The following DDB2 variants were observed in gnomAD, a reference collection of about 807,000 sequenced individuals.
The protein encoded by DDB2 is damage specific DNA binding protein 2.
Under a neutral mutation model 50.5 loss-of-function variants are expected in DDB2, and 27 were observed. That is an observed-to-expected ratio of 0.53 (90% CI 0.39 to 0.74). The LOEUF (loss-of-function observed/expected upper bound fraction) is 0.74. Among genes scored for constraint, DDB2 ranks in the 30% least tolerant of loss-of-function variants. The pLI is 0.00. For missense variants in DDB2, 424 were observed against 545.6 expected (o/e 0.78, Z 2.22); for synonymous variants, 176 against 205.5 (o/e 0.86, Z 1.23).
chr11:47,236,970 C>T (rs952625667), intron 7 of DDB2, among the ~76,000 whole-genome samples: 3 of 152,188 alleles, frequency 2.0e-5, no homozygotes, highest in Non-Finnish European at 4.4e-5. Flanking sequence ...TTCAAAACTT[C>T]CTTGAGAAGT....
chr11:47,218,287 AG>A (rs1350555286), intron 3 of DDB2, among the ~76,000 whole-genome samples: 1 of 152,216 alleles, frequency 6.6e-6, no homozygotes, highest in East Asian at 1.9e-4. Context: ...TCCTATTCCC[AG>A]TGCCTGGAAC....
At chr11:47,229,944 C>T in intron 3 of DDB2, 1 of 332,398 alleles carries the variant, frequency 3.0e-6, no homozygotes, top group South Asian at 2.5e-5. Context: ...CACCATCCCA[C>T]CTCAGCCTCT....
chr11:47,228,956 C>CAAAAAAA (rs58216148), intron 3 of DDB2, among the ~76,000 whole-genome samples: 1 of 94,250 alleles, frequency 1.1e-5, no homozygotes, highest in African/African-American at 4.5e-5. Context: ...GACTCCATCT[C>CAAAAAAA]AAAAAAAAAA....
At chr11:47,217,226 A>C in intron 3 of DDB2, 177 bp downstream of exon 3, 2 of 536,932 alleles carry the variant, frequency 3.7e-6, no homozygotes, top group Non-Finnish European at 6.9e-6. Flanking sequence ...AAATACAAAA[A>C]TTAGCTGGGT....
At chr11:47,220,222 G>C (rs1953463775) in intron 3 of DDB2, 1 of 152,294 alleles carries the variant, frequency 6.6e-6, no homozygotes, top group African/African-American at 2.4e-5. Context: ...CCCCCAGAAA[G>C]GCAGTCAGAG....
rs758139129 is a variant in DDB2, at chr11:47,216,320, C to T, written c.128-16C>T. On this transcript the variant is annotated splice_polypyrimidine_tract_variant and intron_variant, in intron 1 of 9. Coordinates refer to ENST00000256996, the MANE Select transcript of DDB2 (RefSeq NM_000107.3). ...CGTGAGATTGGAGAGGAAAATATGTCTGTTCTGCTTGGCAGGTCCTAGCAG... is the reference window on the plus strand; with the variant it reads ...CGTGAGATTGGAGAGGAAAATATGTTTGTTCTGCTTGGCAGGTCCTAGCAG... 47 of 1,613,956 alleles carry T rather than the reference C, an allele frequency of 2.9e-5. No individual in the cohort carries two copies. The Middle Eastern group carries it at 4.9e-4, about 17-fold the overall frequency.
rs1347183916 is a variant in DDB2 at position 47,238,183 on chromosome 11, G to A, written c.1234G>A (p.Gly412Ser). ...GGGGGACACGCTGGCCTCTGCAATG[G>A]GTGAGTAGGAGGAGAATGTCTCTGA... The part of the protein sequence containing the change: ...PMGDTLASAM[G>S]YHILIWSQEE... The change falls in exon 9 of 10, where the codon GGT becomes AGT. Residue 412 changes from glycine (G) to serine (S), a missense_variant and splice_region_variant. Gly to Ser is a moderately conservative substitution (Grantham distance 56). Transcript: ENST00000256996. 1.2e-6 allele frequency: 2 copies of A among 1,609,614 alleles called. No individual in the cohort carries two copies. The highest frequency in any genetic ancestry group is 1.1e-5 in the South Asian group (1 of 90,072).
intron 4 of DDB2, 51 bp downstream of exon 4, chr11:47,233,010 C>G: frequency 3.1e-6 from 5 of 1,595,812 alleles, no homozygotes; most frequent in Admixed American, 3.3e-5. Flanking sequence ...AGGTGTAGTT[C>G]CGGCAAGAGC....
intron 3 of DDB2, among the ~76,000 whole-genome samples, chr11:47,228,977 A>ATATCTATCTATCTAGC (rs1953602867): frequency 8.0e-6 from 1 of 124,660 alleles, no homozygotes; most frequent in Non-Finnish European, 1.6e-5. Flanking sequence ...AAAAAAAGAA[A>ATATCTATCTATCTAGC]TATCTATCTA....
intron 3 of DDB2, among the ~76,000 whole-genome samples, chr11:47,224,107 A>C (rs1953525083): frequency 6.6e-6 from 1 of 152,096 alleles, no homozygotes; most frequent in Non-Finnish European, 1.5e-5. Flanking sequence ...AACAAAACAA[A>C]ACATCCTGAT....
rs1953766843 is a variant in DDB2, at chr11:47,238,151, A to G, written c.1202A>G (p.Asn401Ser). 1.9e-6 allele frequency: 3 copies of G among 1,612,530 alleles called. No homozygotes were observed. The highest frequency in any genetic ancestry group is 1.6e-4 in the Middle Eastern group (1 of 6,082). The change falls in exon 9 of 10, where the codon AAT becomes AGT. Residue 401 changes from asparagine (N) to serine (S), a missense_variant. By Grantham distance (46) the Asn-to-Ser change is conservative (BLOSUM62 1). Coordinates refer to ENST00000256996, the MANE Select transcript of DDB2 (RefSeq NM_000107.3). The stretch of plus-strand genomic sequence containing the variant: ...TTGTCTCTGCAGCTTAATGAATTCA[A>G]TCCCATGGGGGACACGCTGGCCTCT... ...SSGISSLNEF[N>S]PMGDTLASAM... is the part of the protein sequence containing the mutation.
At chr11:47,219,910 C>T (rs1459089452) in intron 3 of DDB2, among the ~76,000 whole-genome samples, 1 of 152,184 alleles carries the variant, frequency 6.6e-6, no homozygotes, top group East Asian at 1.9e-4. Flanking sequence ...GCCTCAGCCT[C>T]CGAAGTAGCT....
Position 47,232,814 on chromosome 11 carries a change from A to T in DDB2, c.457A>T (p.Ile153Phe), listed in dbSNP as rs1953668308. The change falls in exon 4 of 10, where the codon ATT becomes TTT. Residue 153 changes from isoleucine to phenylalanine, a missense_variant and splice_region_variant. By Grantham distance (21) the Ile-to-Phe change is conservative. Coordinates refer to ENST00000256996, the MANE Select transcript of DDB2 (RefSeq NM_000107.3). ...CTGGCTTTTTCCTTCCTCGTGTTAG[A>T]TTGGAGCTGGAGGGAGCATCACTGG... ...IKDKPTFIKGIGAGGSITGLK... is the reference protein window; with the variant it reads ...IKDKPTFIKGFGAGGSITGLK... 7 of 1,613,344 alleles carry T rather than the reference A, an allele frequency of 4.3e-6. No individual in the cohort carries two copies. Among genetic ancestry groups the T allele is most frequent in the Admixed American group, 1.7e-5 (1 of 59,980 alleles).
At chr11:47,217,840 G>A (rs1481632227) in intron 3 of DDB2, among the ~76,000 whole-genome samples, 2 of 151,454 alleles carry the variant, frequency 1.3e-5, no homozygotes, top group Non-Finnish European at 2.9e-5. Context: ...GCAGTGAGCC[G>A]AAATCACGCC....
rs1293074932 is a variant in DDB2 at position 47,238,865 on chromosome 11, G to A, written c.*16G>A. ...ACGGAAGTGAGAGACACTAAAGAAG[G>A]TGTGGGCCAGACAAGGCCTTGGAGC... On this transcript the variant is annotated 3_prime_UTR_variant, in exon 10 of 10. Transcript: ENST00000256996. The A allele has an allele frequency of 6.2e-7, 1 of 1,612,846 alleles. No homozygotes were observed. The highest frequency in any genetic ancestry group is 8.5e-7 in the Non-Finnish European group (1 of 1,179,758).
At chr11:47,222,685 T>C (rs939761112) in intron 3 of DDB2, among the ~76,000 whole-genome samples, 6 of 152,234 alleles carry the variant, frequency 3.9e-5, no homozygotes, top group Admixed American at 3.9e-4. Flanking sequence ...ATTTACCTGT[T>C]CAAGGACATT....
Position 47,216,922 on chromosome 11 carries a change from T to C in DDB2, c.329T>C (p.Phe110Ser), listed in dbSNP as rs780555193. ...CGGATATTACAAAAGGCTGCCCCCT[T>C]TGACAGGAGGGCTACATCCTTGGCG... ...SYRILQKAAP[F>S]DRRATSLAWH... The change falls in exon 3 of 10, where the codon TTT becomes TCT. Residue 110 changes from phenylalanine to serine, a missense_variant. Physicochemically the swap from Phe to Ser is radical, Grantham distance 155. Transcript: ENST00000256996. The C allele has an allele frequency of 6.2e-7, 1 of 1,614,098 alleles. No individual in the cohort carries two copies. Among genetic ancestry groups the C allele is most frequent in the Non-Finnish European group, 8.5e-7 (1 of 1,180,026 alleles).
intron 3 of DDB2, among the ~76,000 whole-genome samples, chr11:47,223,222 C>T (rs755633984): frequency 8.5e-5 from 13 of 152,196 alleles, no homozygotes; most frequent in Non-Finnish European, 1.2e-4. Context: ...CTGTGGCTTA[C>T]GCCTGTAATC....
At chr11:47,228,246 G>A (rs112497030) in intron 3 of DDB2, among the ~76,000 whole-genome samples, 3 of 150,422 alleles carry the variant, frequency 2.0e-5, no homozygotes, top group East Asian at 1.9e-4. Flanking sequence ...CAGCCTGAGC[G>A]ACAGAGCACA....
Sources: gnomAD v4.1 joint callset for allele counts (sites outside exome capture counted in the v4.1 genomes callset) on GRCh38, gnomAD v4.1.1 for gene constraint, MANE v1.5 for transcripts, NCBI Gene and HGNC (gene_info 2026-07-23, HGNC 2026-07-21) for gene names.